Variants in SLC24A2 observed in about 807,000 individuals in gnomAD.
SLC24A2 encodes sodium/potassium/calcium exchanger 2.
A neutral mutation model predicts 62.0 loss-of-function variants in SLC24A2; 36 were observed. The observed-to-expected ratio is 0.58, with a 90% CI of 0.44 to 0.77. SLC24A2 has a LOEUF of 0.77. Among genes scored for constraint, SLC24A2 ranks in the 30% least tolerant of loss-of-function variants. SLC24A2 has a pLI of 0.00. For missense variants in SLC24A2, 846 were observed against 817.9 expected, an observed-to-expected ratio of 1.03 and a Z score of -0.42; for synonymous variants, 358 against 294.0, an observed-to-expected ratio of 1.22 and a Z score of -2.23.
the SLC24A2 span, among the ~76,000 whole-genome samples, chr9:20,244,111 G>C: frequency 4.1e-4 from 62 of 152,258 alleles, no homozygotes; most frequent in African/African-American, 1.5e-3. Flanking sequence ...TAATTCCTTT[G>C]AGAGTCTCCA....
the SLC24A2 span, among the ~76,000 whole-genome samples, chr9:19,883,293 C>T: frequency 0.069 from 10,544 of 152,142 alleles, 1,077 homozygotes; most frequent in African/African-American, 0.23. Context: ...CTTCTAGTAT[C>T]ATAATTGTTA....
chr9:19,956,030 T>C, the SLC24A2 span, among the ~76,000 whole-genome samples: 1 of 152,360 alleles, frequency 6.6e-6, no homozygotes, highest in African/African-American at 2.4e-5. Context: ...GCACTAGCCC[T>C]AGAGGTACCA....
At chr9:20,203,684 G>GAA in the SLC24A2 span, among the ~76,000 whole-genome samples, 7 of 138,008 alleles carry the variant, frequency 5.1e-5, no homozygotes, top group African/African-American at 1.8e-4. Flanking sequence ...TCTCTTAAAA[G>GAA]AAAAAAAAAA....
At chr9:19,784,942 C>T (rs1377286258) in intron 2 of SLC24A2, among the ~76,000 whole-genome samples, 1 of 151,876 alleles carries the variant, frequency 6.6e-6, no homozygotes, top group Non-Finnish European at 1.5e-5. Flanking sequence ...TCTTTTTGAA[C>T]AAAATCTTTC....
chr9:20,042,116 G>C, the SLC24A2 span, among the ~76,000 whole-genome samples: 1 of 152,262 alleles, frequency 6.6e-6, no homozygotes, highest in Non-Finnish European at 1.5e-5. Context: ...CTGGTGGGCA[G>C]ACTGTGGCAG....
chr9:20,085,970 T>C, the SLC24A2 span, among the ~76,000 whole-genome samples: 6 of 152,176 alleles, frequency 3.9e-5, no homozygotes, highest in Admixed American at 3.9e-4. Flanking sequence ...TTGATTTAAC[T>C]TCTATTGGCA....
chr9:20,217,524 C>G, the SLC24A2 span, among the ~76,000 whole-genome samples: 13 of 152,238 alleles, frequency 8.5e-5, no homozygotes, highest in Admixed American at 6.5e-5. Context: ...TAATGAAGAA[C>G]AAGCTGGTGC....
chr9:19,965,620 T>C, the SLC24A2 span, among the ~76,000 whole-genome samples: 1 of 152,214 alleles, frequency 6.6e-6, no homozygotes, highest in East Asian at 1.9e-4. Flanking sequence ...TAACCTGTTT[T>C]GTCTTAAGTG....
chr9:19,561,280 C>T (rs1451137794), intron 7 of SLC24A2, among the ~76,000 whole-genome samples: 1 of 151,846 alleles, frequency 6.6e-6, no homozygotes, highest in Non-Finnish European at 1.5e-5. Context: ...TTCTTATCCT[C>T]TACTTTCCTA....
At position 19,553,466 on chromosome 9, in the gene SLC24A2, G is replaced by C. The variant is rs114159473; in HGVS notation, c.1348-3198C>G. Among the ~76,000 whole-genome samples the C allele has an allele frequency of 2.6e-3, 389 of 152,298 alleles. 3 individuals are homozygous for C. The highest frequency in any genetic ancestry group is 8.3e-3 in the African/African-American group (346 of 41,552). On this transcript the variant is annotated intron_variant, in intron 7 of 10. Transcript: ENST00000341998. ...GAGGGCTTAAAATAGTTTGATATCT[G>C]CTGGGGTCTCTGTAGAAGCCTTAGA...
At chr9:20,121,767 C>G in the SLC24A2 span, among the ~76,000 whole-genome samples, 1 of 152,142 alleles carries the variant, frequency 6.6e-6, no homozygotes, top group African/African-American at 2.4e-5. Context: ...AAATTTGAAA[C>G]TTCTCTCTAA....
chr9:19,940,705 A>C, the SLC24A2 span, among the ~76,000 whole-genome samples: 1 of 152,124 alleles, frequency 6.6e-6, no homozygotes, highest in Non-Finnish European at 1.5e-5. Context: ...TTGCACTCAC[A>C]CTCAAGGTGA....
At chr9:19,559,652 A>T (rs1835292617) in intron 7 of SLC24A2, among the ~76,000 whole-genome samples, 1 of 152,182 alleles carries the variant, frequency 6.6e-6, no homozygotes, top group Non-Finnish European at 1.5e-5. Context: ...ACTATTTGCC[A>T]AATGAAAGGT....
chr9:19,855,964 C>G, the SLC24A2 span, among the ~76,000 whole-genome samples: 1 of 151,976 alleles, frequency 6.6e-6, no homozygotes, highest in Non-Finnish European at 1.5e-5. Context: ...TCTCATAGTT[C>G]TTGGAGGTTT....
At chr9:20,128,100 C>G in the SLC24A2 span, among the ~76,000 whole-genome samples, 1 of 152,012 alleles carries the variant, frequency 6.6e-6, no homozygotes, top group Non-Finnish European at 1.5e-5. Context: ...AGATTGATTT[C>G]AGGGGGACCC....
intron 9 of SLC24A2, among the ~76,000 whole-genome samples, chr9:19,523,511 G>A (rs2132644664): frequency 6.6e-6 from 1 of 152,234 alleles, no homozygotes; most frequent in South Asian, 2.1e-4. Context: ...TGCCCAGGCT[G>A]GAGTGCAGTG....
chr9:20,307,715 A>G, the SLC24A2 span, among the ~76,000 whole-genome samples: 1 of 152,178 alleles, frequency 6.6e-6, no homozygotes, highest in South Asian at 2.1e-4. Flanking sequence ...GCCAAGTGCT[A>G]CACAACTGGA....
chr9:20,245,322 C>T, the SLC24A2 span, among the ~76,000 whole-genome samples: 1 of 152,170 alleles, frequency 6.6e-6, no homozygotes, highest in Non-Finnish European at 1.5e-5. Flanking sequence ...AGAACTGTGA[C>T]TGTATCAAGG....
the SLC24A2 span, among the ~76,000 whole-genome samples, chr9:20,215,285 A>G: frequency 8.5e-5 from 13 of 152,306 alleles, no homozygotes; most frequent in Admixed American, 8.5e-4. Context: ...CTCACATTCA[A>G]ATACCATCAC....
Sources: allele counts gnomAD v4.1 joint callset (sites outside exome capture counted in the v4.1 genomes callset), GRCh38; gene constraint gnomAD v4.1.1; transcripts MANE v1.5; gene names NCBI Gene and HGNC (gene_info 2026-07-23, HGNC 2026-07-21).